HNF4A: variants seen among roughly 807,000 people sequenced by gnomAD.
HNF4A encodes hepatocyte nuclear factor 4 alpha.
HNF4A carries 15 observed loss-of-function variants against 52.4 expected under a neutral mutation model. That is an observed-to-expected ratio of 0.29 (90% CI 0.19 to 0.44). The LOEUF (loss-of-function observed/expected upper bound fraction) is 0.44. HNF4A is among the 20% of genes least tolerant of loss of function. The pLI, the probability that HNF4A is intolerant of heterozygous loss-of-function variation, is 1.00. For synonymous variants in HNF4A, 280 were observed against 264.4 expected, an observed-to-expected ratio of 1.06 and a Z score of -0.57; for missense variants, 479 against 647.2, an observed-to-expected ratio of 0.74 and a Z score of 2.82.
At chr20:44,355,989 G>C (rs2062853339) in intron 1 of HNF4A, 136 bp downstream of exon 1, 2 of 745,176 alleles carry the variant, frequency 2.7e-6, no homozygotes, top group Non-Finnish European at 2.2e-6. Context: ...GAAGCCCCAC[G>C]GAGGCAATGT....
At chr20:44,416,770 A>C (rs2063671170) in intron 5 of HNF4A, among the ~76,000 whole-genome samples, 1 of 152,154 alleles carries the variant, frequency 6.6e-6, no homozygotes, top group South Asian at 2.1e-4. Context: ...ATTTTGTGCC[A>C]AATATCTTCA....
rs748590780 is a variant in HNF4A at position 44,429,599 on chromosome 20, C to G, written c.1359C>G (p.Val453=). 2 of 1,614,072 alleles carry G rather than the reference C, an allele frequency of 1.2e-6. No individual in the cohort carries two copies. Among genetic ancestry groups the G allele is most frequent in the Middle Eastern group, 1.6e-4 (1 of 6,062 alleles). ...CCTATAAGCTCCTGCCGGGAGCCGT[C>G]GCCACAATCGTCAAGCCCCTCTCTG... is the stretch of plus-strand genomic sequence containing the variant. Residue 453 remains valine, a synonymous_variant, in exon 10 of 10, where the codon GTC becomes GTG. Transcript: ENST00000316099.
At chr20:44,402,620 G>A (rs1234369804) in intron 1 of HNF4A, 2 of 1,364,654 alleles carry the variant, frequency 1.5e-6, no homozygotes, top group Non-Finnish European at 2.0e-6. Flanking sequence ...CATATCTGGA[G>A]GGGTGGACAG....
upstream of HNF4A, among the ~76,000 whole-genome samples, chr20:44,397,688 C>T (rs1308615681): frequency 2.6e-5 from 4 of 151,780 alleles, no homozygotes; most frequent in Non-Finnish European, 5.9e-5. Flanking sequence ...GGAACAATCT[C>T]GGCTCACTGC....
chr20:44,374,809 A>G (rs2063068431), intron 1 of HNF4A, among the ~76,000 whole-genome samples: 1 of 152,164 alleles, frequency 6.6e-6, no homozygotes, highest in Non-Finnish European at 1.5e-5. Flanking sequence ...ATATAAGTGC[A>G]TGTGTCTTTT....
At chr20:44,399,422 C>T (rs2063382607), upstream of HNF4A, among the ~76,000 whole-genome samples, 1 of 152,056 alleles carries the variant, frequency 6.6e-6, no homozygotes, top group Non-Finnish European at 1.5e-5. Context: ...TCTTGTCCTC[C>T]ACAACAGTTG....
chr20:44,429,858 T>C lies in HNF4A; in HGVS notation c.*193T>C, dbSNP rs996089363. 4.9e-6 allele frequency: 3 copies of C among 617,380 alleles called. No homozygotes were observed. In the African/African-American group the frequency reaches 5.5e-5, roughly 11 times the overall value. The allele number at this position is 617,380 out of a possible 1,614,324, so 38.2% of individuals were successfully genotyped here. ...GCCACCCTTGACGCCCTGCTCTGGA[T>C]AACAAGACTTTGACTTGGGGAGACC... On this transcript the variant is annotated 3_prime_UTR_variant, in exon 10 of 10. Coordinates refer to ENST00000316099, the MANE Select transcript of HNF4A (RefSeq NM_000457.6).
intron 1 of HNF4A, among the ~76,000 whole-genome samples, chr20:44,375,677 T>C (rs2063077636): frequency 2.0e-5 from 3 of 152,262 alleles, no homozygotes; most frequent in South Asian, 4.1e-4. Context: ...GGGCAGCCTT[T>C]CCTAAGGCGA....
chr20:44,373,138 G>C (rs1405826096), intron 1 of HNF4A: 2 of 152,140 alleles, frequency 1.3e-5, no homozygotes, highest in African/African-American at 4.8e-5. Flanking sequence ...GCCAAAAGTG[G>C]CATTTGGAGT....
In HNF4A at chr20:44,414,494, G is replaced by A; in HGVS notation, c.493-13G>A. On this transcript the variant is annotated splice_polypyrimidine_tract_variant and intron_variant, in intron 4 of 9. Coordinates refer to ENST00000316099, the MANE Select transcript of HNF4A (RefSeq NM_000457.6). ...GGACATCTCCAGCATTTTCTTCCCT[G>A]TATCTCTCGAAGATCACCTCCCCCG... is the stretch of plus-strand genomic sequence containing the variant. 3 of 1,614,228 alleles carry A rather than the reference G, an allele frequency of 1.9e-6. No homozygotes were observed. Among genetic ancestry groups the A allele is most frequent in the Non-Finnish European group, 2.5e-6 (3 of 1,180,038 alleles).
rs190960209 is a variant in HNF4A at position 44,424,492 on chromosome 20, C to T, written c.1129+238C>T. ...GTCACTGTTCTAAGTGCTGGCAATT[C>T]AGCAAAGAACAAGATCTTTGCCCTC... On this transcript the variant is annotated intron_variant, in intron 8 of 9. Transcript: ENST00000316099. 12 of 997,116 alleles carry T rather than the reference C, an allele frequency of 1.2e-5. No homozygotes were observed. In the East Asian group the frequency reaches 2.9e-4, roughly 24 times the overall value. 61.8% of individuals were successfully genotyped at this position (997,116 alleles called of 1,614,324 possible).
At chr20:44,358,937 T>C (rs1444451130) in intron 1 of HNF4A, among the ~76,000 whole-genome samples, 1 of 152,168 alleles carries the variant, frequency 6.6e-6, no homozygotes, top group Non-Finnish European at 1.5e-5. Context: ...TGGGTGGACT[T>C]GGCCCTCCCT....
intron 1 of HNF4A, among the ~76,000 whole-genome samples, chr20:44,374,706 C>T (rs1357155693): frequency 7.9e-5 from 12 of 152,172 alleles, no homozygotes; most frequent in South Asian, 4.1e-4. Flanking sequence ...TCAGGTGATC[C>T]GCCCGCCTCG....
At chr20:44,411,298 C>G (rs144769009) in intron 3 of HNF4A, among the ~76,000 whole-genome samples, 4 of 152,180 alleles carry the variant, frequency 2.6e-5, no homozygotes, top group Non-Finnish European at 5.9e-5. Context: ...CTGCCCAGGT[C>G]GGTTAATATT....
rs888533441 is a variant in HNF4A, at chr20:44,363,489, T to C, written c.49+7636T>C. ...GGACAAGGCTTTGTTGCAAGCCTTC[T>C]GGGGCCCTGGGATGCCCAGGGTCTC... On this transcript the variant is annotated intron_variant, in intron 1 of 9. Transcript: ENST00000316673. 3.9e-5 allele frequency among the ~76,000 whole-genome samples: 6 copies of C among 151,950 alleles called. No individual in the cohort carries two copies. In the East Asian group the frequency reaches 1.2e-3, roughly 30 times the overall value.
intron 1 of HNF4A, among the ~76,000 whole-genome samples, chr20:44,373,583 A>G (rs959805624): frequency 1.3e-5 from 2 of 152,162 alleles, no homozygotes; most frequent in African/African-American, 2.4e-5. Flanking sequence ...AAATAAAACC[A>G]AACCCCTAAA....
chr20:44,428,198 C>T, intron 8 of HNF4A, 137 bp from the exon 9 acceptor site: 2 of 863,772 alleles, frequency 2.3e-6, no homozygotes, highest in South Asian at 1.4e-5. Context: ...AGTTTACTAA[C>T]CCAGGAATAG....
intron 7 of HNF4A, among the ~76,000 whole-genome samples, 200 bp downstream of exon 7, chr20:44,420,076 A>G (rs1483106519): frequency 6.6e-6 from 1 of 152,190 alleles, no homozygotes; most frequent in African/African-American, 2.4e-5. Context: ...TCACACCTGT[A>G]ATCCCAGCAC....
Position 44,429,585 on chromosome 20 carries a change from C to T in HNF4A, c.1345C>T (p.Leu449=), listed in dbSNP as rs2063852428. The T allele has an allele frequency of 6.2e-7, 1 of 1,614,050 alleles. No individual in the cohort carries two copies. The highest frequency in any genetic ancestry group is 8.5e-7 in the Non-Finnish European group (1 of 1,179,986). The change falls in exon 10 of 10, where the codon CTG becomes TTG. Residue 449 remains leucine (L), a synonymous_variant. Transcript: ENST00000316099. ...CTCAGGGTCTGAGCCCTATAAGCTC[C>T]TGCCGGGAGCCGTCGCCACAATCGT...
Sources: gnomAD v4.1 joint callset for allele counts (sites outside exome capture counted in the v4.1 genomes callset) on GRCh38, gnomAD v4.1.1 for gene constraint, MANE v1.5 for transcripts, NCBI Gene and HGNC (gene_info 2026-07-23, HGNC 2026-07-21) for gene names.